KLC3: variants seen among roughly 807,000 people sequenced by gnomAD.
The protein encoded by KLC3 is kinesin light chain 2.
A neutral mutation model predicts 62.9 loss-of-function variants in KLC3; 72 were observed. That is an observed-to-expected ratio of 1.15 (90% CI 0.95 to 1.39). The LOEUF is 1.39. KLC3 is among the 40% of genes most tolerant of loss of function. The pLI, the probability that KLC3 is intolerant of heterozygous loss-of-function variation, is 0.00. For synonymous variants in KLC3, 377 were observed against 300.5 expected, an observed-to-expected ratio of 1.25 and a Z score of -2.63; for missense variants, 848 against 691.6, an observed-to-expected ratio of 1.23 and a Z score of -2.54.
At chr19:45,349,705 G>GCGCCCCCCCCCCCC in intron 8 of KLC3, 103 bp downstream of exon 8, 1 of 789,674 alleles carries the variant, frequency 1.3e-6, no homozygotes, top group Non-Finnish European at 1.9e-6. Context: ...GTGGGGGGGG[G>GCGCCCCCCCCCCCC]CCCCCCAGGC....
chr19:45,349,903 C>A, intron 8 of KLC3: 1 of 457,150 alleles, frequency 2.2e-6, no homozygotes, highest in South Asian at 3.3e-5. Context: ...CCCCACATCG[C>A]TAGTTCTTAT....
Position 45,350,623 on chromosome 19 carries a change from TCCCCGGCCCCTC to T in KLC3, c.1273-14_1273-3del, listed in dbSNP as rs1568527592. 5 of 1,612,716 alleles carry T rather than the reference TCCCCGGCCCCTC, an allele frequency of 3.1e-6. No homozygotes were observed. The highest frequency in any genetic ancestry group is 1.3e-5 in the African/African-American group (1 of 74,766). On this transcript the variant is annotated splice_region_variant and splice_polypyrimidine_tract_variant and intron_variant, in intron 10 of 12. Coordinates refer to ENST00000391946, the MANE Select transcript of KLC3 (RefSeq NM_177417.3). ...CATGGGCCTGGGGGACTGAGCAGCA[TCCCCGGCCCCTC>T]CCCAGGCCCTTCGCCGCAGCAGCTC...
In KLC3 at chr19:45,351,505, T is replaced by G; in HGVS notation, c.*148T>G. 6.3e-7 allele frequency: 1 copy of G among 1,596,700 alleles called. No individual in the cohort carries two copies. The highest frequency in any genetic ancestry group is 8.5e-7 in the Non-Finnish European group (1 of 1,176,230). On this transcript the variant is annotated 3_prime_UTR_variant, in exon 13 of 13. Coordinates refer to ENST00000391946, the MANE Select transcript of KLC3 (RefSeq NM_177417.3). ...TGCCTTCTCCTGCGATTAAAGGCTG[T>G]GGACGTGACAGTGAGAAATGTCACC... is the stretch of plus-strand genomic sequence containing the variant.
intron 1 of KLC3, among the ~76,000 whole-genome samples, chr19:45,341,552 TTGG>T (rs1041862608): frequency 8.7e-5 from 12 of 138,604 alleles, no homozygotes; most frequent in Admixed American, 6.4e-4. Flanking sequence ...TTTCTGCCTG[TTGG>T]TGTGTGTGTG....
At chr19:45,350,137 T>C (rs1007635144) in intron 8 of KLC3, 11 of 581,280 alleles carry the variant, frequency 1.9e-5, no homozygotes, top group Non-Finnish European at 3.4e-5. Flanking sequence ...CATTAGAAAG[T>C]GGGGCCAGAC....
chr19:45,348,898 C>G lies in KLC3; in HGVS notation c.946C>G (p.Arg316Gly). Residue 316 changes from arginine (R) to glycine (G), a missense_variant, in exon 7 of 13, where the codon CGC (arginine) becomes GGC (glycine). By Grantham distance (125) the Arg-to-Gly change is moderately radical (BLOSUM62 -2). Coordinates refer to ENST00000391946, the MANE Select transcript of KLC3 (RefSeq NM_177417.3). Reference sequence around the variant, plus strand: ...CCGGGAGGCAGAGCCCCTGTGCCAGCGCGCTTTGGAGATCCGAGAGAAGGT... The same window carrying G: ...CCGGGAGGCAGAGCCCCTGTGCCAGGGCGCTTTGGAGATCCGAGAGAAGGT... ...RYREAEPLCQRALEIREKVLG... is the reference protein window; with the variant it reads ...RYREAEPLCQGALEIREKVLG... 6.3e-6 allele frequency: 10 copies of G among 1,584,890 alleles called. No homozygotes were observed. The highest frequency in any genetic ancestry group is 2.3e-5 in the East Asian group (1 of 43,784).
chr19:45,350,802 A>G, intron 11 of KLC3, 55 bp downstream of exon 11: 2 of 821,430 alleles, frequency 2.4e-6, no homozygotes, highest in Non-Finnish European at 3.7e-6. Flanking sequence ...TCCACAGCCC[A>G]CCCCACCCCC....
Position 45,345,683 on chromosome 19 carries a change from C to G in KLC3, c.142C>G (p.Leu48Val). The G allele has an allele frequency of 6.3e-7, 1 of 1,575,438 alleles. No individual in the cohort carries two copies. Among genetic ancestry groups the G allele is most frequent in the African/African-American group, 1.3e-5 (1 of 74,458 alleles). Residue 48 changes from leucine (L) to valine (V), a missense_variant, in exon 2 of 13, where the codon CTG (leucine) becomes GTG (valine). Physicochemically the swap from Leu to Val is conservative, Grantham distance 32. Coordinates refer to ENST00000391946, the MANE Select transcript of KLC3 (RefSeq NM_177417.3). ...RAEHHGLAGH[L>V]AEALAGQGPA... ...AGAGCACCATGGCCTGGCTGGGCACCTGGCGGAGGCCCTGGCGGGACAGGG... is the reference window on the plus strand; with the variant it reads ...AGAGCACCATGGCCTGGCTGGGCACGTGGCGGAGGCCCTGGCGGGACAGGG...
chr19:45,344,789 G>C (rs1292541479), intron 1 of KLC3: 28 of 152,324 alleles, frequency 1.8e-4, no homozygotes, highest in Admixed American at 1.8e-3. Flanking sequence ...GCTGTCACAT[G>C]GCCAGTGTGA....
chr19:45,343,434 A>G (rs547554007), intron 1 of KLC3, among the ~76,000 whole-genome samples: 1 of 152,146 alleles, frequency 6.6e-6, no homozygotes, highest in Admixed American at 6.5e-5. Flanking sequence ...TCTCAGGTTC[A>G]AGCAATTCTC....
At chr19:45,349,167 C>T (rs1476201363) in intron 7 of KLC3, among the ~76,000 whole-genome samples, 3 of 152,114 alleles carry the variant, frequency 2.0e-5, no homozygotes, top group Admixed American at 6.5e-5. Context: ...CCCCCATAGC[C>T]TTTCCAACCC....
intron 3 of KLC3, 87 bp from the exon 4 acceptor site, chr19:45,347,360 A>G (rs901518140): frequency 2.7e-5 from 28 of 1,049,976 alleles, no homozygotes; most frequent in Non-Finnish European, 3.4e-5. Context: ...AAAAAAACAA[A>G]AAAACAAAAA....
intron 7 of KLC3, among the ~76,000 whole-genome samples, 155 bp downstream of exon 7, chr19:45,349,076 C>T (rs919568809): frequency 6.6e-6 from 1 of 152,124 alleles, no homozygotes; most frequent in Non-Finnish European, 1.5e-5. Flanking sequence ...ACCCATCACC[C>T]TTGACCTTCT....
chr19:45,348,469 G>A (rs1971565971), intron 5 of KLC3, among the ~76,000 whole-genome samples, 177 bp from the exon 6 acceptor site: 1 of 152,104 alleles, frequency 6.6e-6, no homozygotes, highest in South Asian at 2.1e-4. Context: ...GGGGTACAGG[G>A]CCCAGTGTTA....
At position 45,349,717 on chromosome 19, in the gene KLC3, G is replaced by A. The variant is rs530560969; in HGVS notation, c.1143+115G>A. ...AGGGTGGGGGGGGGCCCCCCAGGCC[G>A]GGCCCTTGGAGCAAGTGTCAGACAC... On this transcript the variant is annotated intron_variant, in intron 8 of 12. Transcript: ENST00000391946. 4.0e-4 allele frequency: 418 copies of A among 1,056,894 alleles called. 3 individuals carry two copies. The highest frequency in any genetic ancestry group is 3.4e-3 in the African/African-American group (213 of 62,728). The allele number at this position is 1,056,894 out of a possible 1,614,324, so 65.5% of individuals were successfully genotyped here.
At chr19:45,350,242 C>G in intron 8 of KLC3, 99 bp from the exon 9 acceptor site, 1 of 867,266 alleles carries the variant, frequency 1.2e-6, no homozygotes. Context: ...GGCAACATAC[C>G]AAGACCCCTG....
chr19:45,348,798 T>C, intron 6 of KLC3, 22 bp from the exon 7 acceptor site: 1 of 1,562,526 alleles, frequency 6.4e-7, no homozygotes, highest in Non-Finnish European at 8.7e-7. Flanking sequence ...ATCCCTGACC[T>C]GTGCCTCCCC....
rs755859951 is a variant in KLC3, at chr19:45,351,351, C to T, written c.1509C>T (p.Pro503=). ...TLSASTQDLS[P]H is the part of the protein sequence containing the mutation. ...GCGCCAGCACCCAGGACCTGAGCCCCCACTAACGTCCAGTGAACTGCGCTG... is the reference window on the plus strand; with the variant it reads ...GCGCCAGCACCCAGGACCTGAGCCCTCACTAACGTCCAGTGAACTGCGCTG... The change falls in exon 13 of 13, where the codon CCC becomes CCT. Residue 503 remains proline (P), a synonymous_variant. Transcript: ENST00000391946. The T allele has an allele frequency of 4.3e-6, 7 of 1,610,964 alleles. No homozygotes were observed. In the South Asian group the frequency reaches 4.4e-5, roughly 10 times the overall value.
intron 8 of KLC3, 75 bp downstream of exon 8, chr19:45,349,677 A>G: frequency 1.1e-6 from 1 of 932,816 alleles, no homozygotes; most frequent in South Asian, 2.0e-5. Context: ...GGTTGGATAC[A>G]GGGTGAGCAA....
Sources: allele counts gnomAD v4.1 joint callset (sites outside exome capture counted in the v4.1 genomes callset), GRCh38; gene constraint gnomAD v4.1.1; transcripts MANE v1.5; gene names NCBI Gene and HGNC (gene_info 2026-07-23, HGNC 2026-07-21).